The following PI4K2A variants were observed in gnomAD, a reference collection of about 807,000 sequenced individuals.
PI4K2A encodes phosphatidylinositol 4-kinase type 2-alpha.
PI4K2A carries 20 observed loss-of-function variants against 55.0 expected under a neutral mutation model. The observed-to-expected ratio is 0.36, with a 90% CI of 0.26 to 0.53. PI4K2A has a LOEUF of 0.53. Ranked by LOEUF, PI4K2A falls within the 20% of genes least tolerant of loss-of-function variation. PI4K2A has a pLI of 0.91. For synonymous variants in PI4K2A, 235 were observed against 258.5 expected (o/e 0.91, Z 0.87); for missense variants, 463 against 637.1 (o/e 0.73, Z 2.94).
At chr10:97,641,121 C>T in exon 1 of PI4K2A, 1 of 1,609,232 alleles carries the variant, frequency 6.2e-7, no homozygotes, top group South Asian at 1.1e-5. Context: ...CTGCATCTTT[C>T]CCGAGCGCAT....
intron 8 of PI4K2A, among the ~76,000 whole-genome samples, chr10:97,673,050 G>A (rs528378196): frequency 6.3e-4 from 95 of 151,320 alleles, no homozygotes; most frequent in African/African-American, 2.2e-3. Context: ...GCAGTGGCAC[G>A]ATCTCGGCTC....
At chr10:97,641,055 C>T (rs1297542611) in exon 1 of PI4K2A, 5 of 1,604,958 alleles carry the variant, frequency 3.1e-6, no homozygotes, top group Non-Finnish European at 2.5e-6. Flanking sequence ...GAACGAGTTC[C>T]CGGAGGATCC....
At chr10:97,663,245 T>C (rs1005691897) in intron 5 of PI4K2A, among the ~76,000 whole-genome samples, 1 of 152,214 alleles carries the variant, frequency 6.6e-6, no homozygotes, top group African/African-American at 2.4e-5. Context: ...CACAGTAGCA[T>C]AGTAAAGGTC....
chr10:97,659,108 C>T (rs1344826930), intron 4 of PI4K2A, among the ~76,000 whole-genome samples: 1 of 152,194 alleles, frequency 6.6e-6, no homozygotes, highest in Non-Finnish European at 1.5e-5. Flanking sequence ...AATCATAGCT[C>T]ACTACAGCCT....
chr10:97,653,055 C>T (rs2041537062), intron 2 of PI4K2A, among the ~76,000 whole-genome samples: 1 of 152,184 alleles, frequency 6.6e-6, no homozygotes, highest in Admixed American at 6.5e-5. Context: ...TTACAGCATG[C>T]TTTGAACATC....
Position 97,663,154 on chromosome 10 carries a change from CAT to C in PI4K2A, c.984+187_984+188del, listed in dbSNP as rs1471081745. Among the ~76,000 whole-genome samples the C allele has an allele frequency of 2.0e-5, 3 of 152,138 alleles. No individual in the cohort carries two copies. In the East Asian group the frequency reaches 5.8e-4, roughly 29 times the overall value. On this transcript the variant is annotated intron_variant, in intron 5 of 8. Transcript: ENST00000370631. ...GTGTTTCAAGGACATCCTACTGACA[CAT>C]GTTAATAGGAATAGCATGAAGAAAG... is the stretch of plus-strand genomic sequence containing the variant.
intron 8 of PI4K2A, among the ~76,000 whole-genome samples, chr10:97,667,332 C>G (rs1340588309): frequency 1.3e-5 from 2 of 152,050 alleles, no homozygotes; most frequent in African/African-American, 4.8e-5. Context: ...GCCTCAGCCT[C>G]CCAAGTAGCT....
chr10:97,666,658 G>A (rs3750562), intron 7 of PI4K2A, 87 bp downstream of exon 7: 232,744 of 1,177,874 alleles, frequency 0.2, 23,980 homozygotes, highest in Non-Finnish European at 0.22. Context: ...AAAGCCAAGA[G>A]GAAATGGCTA....
chr10:97,661,445 T>C (rs541974532), intron 4 of PI4K2A, among the ~76,000 whole-genome samples: 1 of 151,862 alleles, frequency 6.6e-6, no homozygotes, highest in Non-Finnish European at 1.5e-5. Flanking sequence ...AGTTGTTTCA[T>C]AAAAAAAGAT....
At chr10:97,667,270 C>T in intron 8 of PI4K2A, 150 bp downstream of exon 8, 2 of 591,674 alleles carry the variant, frequency 3.4e-6, no homozygotes, top group Non-Finnish European at 3.1e-6. Flanking sequence ...AGTGCAGTGG[C>T]ATGATCTCTG....
chr10:97,645,732 T>C (rs1439894684), intron 1 of PI4K2A, among the ~76,000 whole-genome samples: 1 of 151,588 alleles, frequency 6.6e-6, no homozygotes. Flanking sequence ...TATATATATA[T>C]TTTTGAGACA....
intron 6 of PI4K2A, among the ~76,000 whole-genome samples, chr10:97,666,084 G>C (rs2041608387): frequency 6.6e-6 from 1 of 152,148 alleles, no homozygotes; most frequent in Admixed American, 6.5e-5. Flanking sequence ...CTTCTGGAAA[G>C]GAGGAGAAAT....
chr10:97,667,752 G>A (rs1032986699), intron 8 of PI4K2A, among the ~76,000 whole-genome samples: 2 of 152,188 alleles, frequency 1.3e-5, no homozygotes, highest in African/African-American at 4.8e-5. Flanking sequence ...TAAGATCTGG[G>A]CCCTGGAGCC....
At chr10:97,649,609 A>ATTTT (rs60329004) in intron 1 of PI4K2A, among the ~76,000 whole-genome samples, 886 of 70,522 alleles carry the variant, frequency 0.013, 176 homozygotes, top group Non-Finnish European at 0.017. Flanking sequence ...TCCATAATAG[A>ATTTT]TTTTTTTTTT....
At chr10:97,669,774 G>T (rs778846592) in intron 8 of PI4K2A, among the ~76,000 whole-genome samples, 14 of 152,236 alleles carry the variant, frequency 9.2e-5, no homozygotes, top group Non-Finnish European at 1.8e-4. Flanking sequence ...CAAGGGCCCT[G>T]AGATGTAGGG....
At chr10:97,649,044 C>T (rs1408809371) in intron 1 of PI4K2A, among the ~76,000 whole-genome samples, 2 of 152,106 alleles carry the variant, frequency 1.3e-5, no homozygotes, top group African/African-American at 2.4e-5. Context: ...TTATTGTTAG[C>T]GACATGGACC....
intron 1 of PI4K2A, among the ~76,000 whole-genome samples, chr10:97,644,073 A>G (rs2041492494): frequency 6.6e-6 from 1 of 152,162 alleles, no homozygotes; most frequent in Non-Finnish European, 1.5e-5. Context: ...TATTCTGGAC[A>G]GGTGCGGTGG....
At chr10:97,646,483 CT>C (rs1310109459) in intron 1 of PI4K2A, among the ~76,000 whole-genome samples, 1 of 152,086 alleles carries the variant, frequency 6.6e-6, no homozygotes, top group Non-Finnish European at 1.5e-5. Flanking sequence ...TCCCAAAGTA[CT>C]GGGATTACAG....
intron 8 of PI4K2A, among the ~76,000 whole-genome samples, chr10:97,672,569 T>C (rs971714961): frequency 6.6e-6 from 1 of 152,166 alleles, no homozygotes; most frequent in Non-Finnish European, 1.5e-5. Flanking sequence ...AATTTCTATA[T>C]ATTTTAGGAT....
Sources: allele counts gnomAD v4.1 joint callset (sites outside exome capture counted in the v4.1 genomes callset), GRCh38; gene constraint gnomAD v4.1.1; transcripts MANE v1.5; gene names NCBI Gene and HGNC (gene_info 2026-07-23, HGNC 2026-07-21).